The following CACNA1C variants were observed in gnomAD, a reference collection of about 807,000 sequenced individuals.
CACNA1C encodes calcium voltage-gated channel subunit alpha1 C, also known as voltage-dependent L-type calcium channel subunit alpha-1C.
A neutral mutation model predicts 229.0 loss-of-function variants in CACNA1C; 30 were observed. The ratio of observed to expected loss-of-function variants is 0.13; its 90% CI spans 0.10 to 0.18. The LOEUF (loss-of-function observed/expected upper bound fraction) is 0.18. CACNA1C is among the 10% of genes least tolerant of loss of function. The probability of loss-of-function intolerance (pLI) is 1.00; values close to 1 mark genes in which losing one functional copy is unlikely to be tolerated. For missense variants in CACNA1C, 1,658 were observed against 2,845.0 expected (o/e 0.58, Z 9.49); for synonymous variants, 1,114 against 1,132.5 (o/e 0.98, Z 0.33).
chr12:2,403,046 G>A lies in CACNA1C; in HGVS notation c.478-45930G>A, dbSNP rs924293506. On this transcript the variant is annotated intron_variant, in intron 3 of 46. Transcript: ENST00000399655. The surrounding 1 kb of genome is among the most constrained non-coding windows in gnomAD (Gnocchi z 4.1). ...TCTTCAAGTTAGGGGCATTAGAATAGCACTGTGGGGCAGGGCAGAGGGACT... is the reference window on the plus strand; with the variant it reads ...TCTTCAAGTTAGGGGCATTAGAATAACACTGTGGGGCAGGGCAGAGGGACT... 3.4e-4 allele frequency among the ~76,000 whole-genome samples: 52 copies of A among 152,188 alleles called. No homozygotes were observed. The highest frequency in any genetic ancestry group is 1.3e-3 in the African/African-American group (52 of 41,446).
rs559896350 is a variant in CACNA1C, at chr12:2,161,834, G to A, written c.477+41404G>A. 2.5e-3 allele frequency among the ~76,000 whole-genome samples: 376 copies of A among 152,244 alleles called. 4 individuals are homozygous for A. Among genetic ancestry groups the A allele is most frequent in the African/African-American group, 8.6e-3 (359 of 41,540 alleles). ...TTTATATACCTTGCTGGTGCCTCAG[G>A]GGGCAGAAATGCTGGTTGGGGATCT... is the stretch of plus-strand genomic sequence containing the variant. On this transcript the variant is annotated intron_variant, in intron 3 of 46. Transcript: ENST00000399655.
At chr12:2,098,126 T>C (rs1403784016) in intron 1 of CACNA1C, among the ~76,000 whole-genome samples, 1 of 152,190 alleles carries the variant, frequency 6.6e-6, no homozygotes, top group African/African-American at 2.4e-5. Flanking sequence ...CTAGTTCTTT[T>C]CCCACCGAAC....
chr12:2,455,067 T>G (rs1344313847), intron 4 of CACNA1C, among the ~76,000 whole-genome samples: 1 of 152,200 alleles, frequency 6.6e-6, no homozygotes, highest in Non-Finnish European at 1.5e-5. Flanking sequence ...CCCATCCCCT[T>G]CTTGCCAGTG....
At chr12:2,104,227 G>A (rs374672556) in intron 1 of CACNA1C, among the ~76,000 whole-genome samples, 1 of 152,144 alleles carries the variant, frequency 6.6e-6, no homozygotes, top group South Asian at 2.1e-4. Context: ...TTTCCCATTT[G>A]TTTGTGTCCT....
intron 29 of CACNA1C, among the ~76,000 whole-genome samples, chr12:2,627,902 A>G (rs937444646): frequency 4.6e-5 from 7 of 152,188 alleles, no homozygotes; most frequent in African/African-American, 1.7e-4. Context: ...ACGTGTTCAG[A>G]GTCAGCTTCC....
rs2072289578 is a variant in CACNA1C, at chr12:2,601,565, G to A, written c.2854-289G>A. ...AACAGTGCGAAATTAGAGTGGGATG[G>A]TGGGGCCCACTTGAAAGGGCTTTGA... On this transcript the variant is annotated intron_variant, in intron 21 of 46. Transcript: ENST00000399655. This position sits in a 1 kb window ranked among gnomAD's most constrained non-coding sequence, Gnocchi z 5.9. Among the ~76,000 whole-genome samples the A allele has an allele frequency of 6.6e-6, 1 of 152,222 alleles. No individual in the cohort carries two copies. The highest frequency in any genetic ancestry group is 2.4e-5 in the African/African-American group (1 of 41,458).
intron 1 of CACNA1C, among the ~76,000 whole-genome samples, chr12:2,089,239 C>A (rs1329246737): frequency 6.6e-6 from 1 of 152,208 alleles, no homozygotes; most frequent in Admixed American, 6.5e-5. Context: ...CCCTAAACCA[C>A]CCCTGTCTGT....
At chr12:2,461,543 AC>A (rs1178153326) in intron 5 of CACNA1C, among the ~76,000 whole-genome samples, 1 of 151,922 alleles carries the variant, frequency 6.6e-6, no homozygotes, top group Non-Finnish European at 1.5e-5. Context: ...ACCAGCCCAG[AC>A]CTTTTTTCCA....
intron 1 of CACNA1C, among the ~76,000 whole-genome samples, chr12:1,976,353 T>C (rs565650771): frequency 6.6e-6 from 1 of 152,316 alleles, no homozygotes; most frequent in Non-Finnish European, 1.5e-5. Flanking sequence ...ACATTATGAT[T>C]TTTAAATTTT....
intron 3 of CACNA1C, among the ~76,000 whole-genome samples, chr12:2,191,951 CGCACACATGTACTCACAG>C (rs1484465705): frequency 6.6e-6 from 1 of 151,988 alleles, no homozygotes; most frequent in Non-Finnish European, 1.5e-5. Context: ...CACTCATACA[CGCACACATGTACTCACAG>C]GCACACGTGT....
chr12:2,358,297 GTGTGTGTGTGTC>G (rs1364901236), intron 3 of CACNA1C, among the ~76,000 whole-genome samples: 15 of 122,396 alleles, frequency 1.2e-4, no homozygotes, highest in African/African-American at 3.5e-4. Context: ...GTGTGTGTGT[GTGTGTGTGTGTC>G]TCTTTGTCAT....
chr12:2,498,123 A>C (rs2099751024), intron 7 of CACNA1C, among the ~76,000 whole-genome samples: 1 of 152,192 alleles, frequency 6.6e-6, no homozygotes, highest in Admixed American at 6.5e-5. Flanking sequence ...CTCCATCTTC[A>C]CAAAGCCACC....
intron 3 of CACNA1C, among the ~76,000 whole-genome samples, chr12:2,415,137 C>T (rs868375259): frequency 1.1e-4 from 16 of 152,228 alleles, no homozygotes; most frequent in African/African-American, 2.9e-4. Flanking sequence ...AGGGGGCTCA[C>T]GCAGAGGATC....
chr12:2,399,597 CCTCTT>C (rs1452327694), intron 3 of CACNA1C, among the ~76,000 whole-genome samples: 1 of 152,212 alleles, frequency 6.6e-6, no homozygotes, highest in Non-Finnish European at 1.5e-5. Flanking sequence ...TGTTCAGACA[CCTCTT>C]CTCTTCTCTC....
intron 1 of CACNA1C, among the ~76,000 whole-genome samples, chr12:2,082,457 G>A (rs545670434): frequency 4.6e-5 from 7 of 152,240 alleles, no homozygotes; most frequent in South Asian, 2.1e-4. Context: ...AGACTGGGCC[G>A]GCTGTCGCTC....
At chr12:1,974,923 A>C (rs1407463453) in intron 1 of CACNA1C, among the ~76,000 whole-genome samples, 1 of 152,180 alleles carries the variant, frequency 6.6e-6, no homozygotes, top group Non-Finnish European at 1.5e-5. Context: ...TCTACAGGTC[A>C]AAAATTTGTT....
At chr12:2,407,682 G>A (rs1269516795) in intron 3 of CACNA1C, among the ~76,000 whole-genome samples, 2 of 121,380 alleles carry the variant, frequency 1.6e-5, no homozygotes, top group Non-Finnish European at 3.5e-5. Context: ...CGTCTCCACT[G>A]ACACCATGTG....
At position 2,354,166 on chromosome 12, in the gene CACNA1C, C is replaced by T. The variant is rs1344169843; in HGVS notation, c.478-94810C>T. Among the ~76,000 whole-genome samples, 1 of 152,144 alleles carries T rather than the reference C, an allele frequency of 6.6e-6. No individual in the cohort carries two copies. The highest frequency in any genetic ancestry group is 2.4e-5 in the African/African-American group (1 of 41,436). On this transcript the variant is annotated intron_variant, in intron 3 of 46. Coordinates refer to ENST00000399655, the MANE Select transcript of CACNA1C (RefSeq NM_000719.7). The surrounding 1 kb of genome is among the most constrained non-coding windows in gnomAD (Gnocchi z 4.6). The stretch of plus-strand genomic sequence containing the variant: ...CTGGATGGAGTCTGTTTTTCCAGAA[C>T]CCCTTAACCCAGTGGAAGCCCCGCC...
At chr12:2,123,731 T>G (rs937112162) in intron 3 of CACNA1C, among the ~76,000 whole-genome samples, 91 of 152,340 alleles carry the variant, frequency 6.0e-4, no homozygotes, top group African/African-American at 2.2e-3. Context: ...CATGCCCATC[T>G]GAGCAGGAAT....
Sources: gnomAD v4.1 joint callset for allele counts (sites outside exome capture counted in the v4.1 genomes callset) on GRCh38, gnomAD v4.1.1 for gene constraint, Gnocchi (gnomAD v3.1) non-coding constraint, MANE v1.5 for transcripts, NCBI Gene and HGNC (gene_info 2026-07-23, HGNC 2026-07-21) for gene names.